Variants in SATB2 observed in about 807,000 individuals in gnomAD.
SATB2 encodes DNA-binding protein SATB2.
In SATB2, 1 loss-of-function variant was observed where a neutral mutation model predicts 73.4. The observed-to-expected ratio is 0.01, with a 90% CI of 0.00 to 0.06. The LOEUF (loss-of-function observed/expected upper bound fraction) is 0.06, where lower values mean the gene tolerates loss of function less well. Among genes scored for constraint, SATB2 ranks in the 10% least tolerant of loss-of-function variants. The pLI, the probability that SATB2 is intolerant of heterozygous loss-of-function variation, is 1.00. For synonymous variants in SATB2, 397 were observed against 367.0 expected (o/e 1.08, Z -0.93); for missense variants, 459 against 945.8 (o/e 0.49, Z 6.75).
chr2:199,386,120 C>G (rs763171777), intron 3 of SATB2, among the ~76,000 whole-genome samples: 2 of 152,070 alleles, frequency 1.3e-5, no homozygotes, highest in African/African-American at 2.4e-5. Context: ...ATTCCTTATC[C>G]AAAATCCTTG....
intron 3 of SATB2, among the ~76,000 whole-genome samples, chr2:199,392,333 G>A (rs551325448): frequency 2.2e-4 from 34 of 151,884 alleles, no homozygotes; most frequent in Non-Finnish European, 4.0e-4. Context: ...AAGTAGGAAA[G>A]TAGGGCTAAG....
At chr2:199,297,028 C>A (rs991350005) in intron 10 of SATB2, among the ~76,000 whole-genome samples, 1 of 152,210 alleles carries the variant, frequency 6.6e-6, no homozygotes, top group East Asian at 1.9e-4. Context: ...AAATCCCAGT[C>A]ATCTATTTTA....
rs1238973322 is a variant in SATB2 at position 199,455,957 on chromosome 2, G to A, written c.81C>T (p.Pro27=). The A allele has an allele frequency of 5.8e-6, 9 of 1,538,638 alleles. No individual in the cohort carries two copies. Among genetic ancestry groups the A allele is most frequent in the Non-Finnish European group, 7.8e-6 (9 of 1,147,560 alleles). Residue 27 remains proline, a synonymous_variant, in exon 2 of 11, where the codon CCC becomes CCT. Transcript: ENST00000417098. The surrounding 1 kb of genome is among the most constrained non-coding windows in gnomAD (Gnocchi z 4.1). ...GCTCCAGCCGGGCCACCTTCACTGG[G>A]GGAGGCCCCTTGACGTCCGGGCTGC... The part of the protein sequence containing the change: ...RSGSPDVKGP[P]PVKVARLEQN...
chr2:199,442,884 T>G (rs1347852959), intron 2 of SATB2, among the ~76,000 whole-genome samples: 1 of 152,234 alleles, frequency 6.6e-6, no homozygotes, highest in Admixed American at 6.5e-5. Flanking sequence ...TCAGGTTCTT[T>G]TTACGATAGG....
intron 6 of SATB2, among the ~76,000 whole-genome samples, chr2:199,357,802 C>T (rs548275503): frequency 6.6e-6 from 1 of 152,134 alleles, no homozygotes; most frequent in South Asian, 2.1e-4. Flanking sequence ...AGCATGGACT[C>T]CCACCTGACT....
chr2:199,346,200 A>C (rs1403931537), intron 7 of SATB2, among the ~76,000 whole-genome samples: 1 of 150,320 alleles, frequency 6.7e-6, no homozygotes, highest in African/African-American at 2.5e-5. Context: ...GCCAGGCTGG[A>C]GTGCAGTGGC....
At chr2:199,325,271 T>C (rs2105790842) in intron 8 of SATB2, 1 of 152,330 alleles carries the variant, frequency 6.6e-6, no homozygotes, top group Admixed American at 6.5e-5. Flanking sequence ...TTAATTCTTT[T>C]AAGATTCCAA....
chr2:199,311,451 T>C (rs978644654), intron 9 of SATB2, among the ~76,000 whole-genome samples: 2 of 152,142 alleles, frequency 1.3e-5, no homozygotes, highest in African/African-American at 4.8e-5. Flanking sequence ...GCCTCAGTAA[T>C]TAGCTTATGA....
At chr2:199,390,710 A>C (rs1236509839) in intron 3 of SATB2, among the ~76,000 whole-genome samples, 3 of 152,302 alleles carry the variant, frequency 2.0e-5, no homozygotes, top group Admixed American at 2.0e-4. Context: ...GTTGCCTCAC[A>C]TCTTTCACAT....
chr2:199,403,040 G>T (rs1233115443), intron 3 of SATB2, among the ~76,000 whole-genome samples: 2 of 152,150 alleles, frequency 1.3e-5, no homozygotes. Flanking sequence ...TGTCAGTGAA[G>T]ATCAATCATG....
intron 10 of SATB2, among the ~76,000 whole-genome samples, chr2:199,306,414 G>A (rs1687434098): frequency 6.6e-6 from 1 of 152,196 alleles, no homozygotes. Context: ...AAGGTCAACA[G>A]CTGAGGCAAA....
intron 5 of SATB2, among the ~76,000 whole-genome samples, chr2:199,378,169 T>C (rs1007277948): frequency 1.4e-4 from 21 of 152,222 alleles, no homozygotes; most frequent in Admixed American, 2.6e-4. Context: ...CTCACTCATG[T>C]TGCCTCTCTA....
chr2:199,331,819 C>A (rs1688199447), intron 7 of SATB2, among the ~76,000 whole-genome samples: 1 of 152,088 alleles, frequency 6.6e-6, no homozygotes, highest in South Asian at 2.1e-4. Context: ...CAAATCACCC[C>A]ACCTAATTAT....
At chr2:199,439,820 G>A (rs1691757865) in intron 2 of SATB2, among the ~76,000 whole-genome samples, 1 of 151,910 alleles carries the variant, frequency 6.6e-6, no homozygotes. Flanking sequence ...TAAAATAATA[G>A]AGGCTGGGCG....
intron 10 of SATB2, among the ~76,000 whole-genome samples, chr2:199,278,868 G>T (rs1429604759): frequency 2.0e-5 from 3 of 152,064 alleles, no homozygotes; most frequent in Non-Finnish European, 4.4e-5. Context: ...TAAAAGAAAT[G>T]ATATTAAAAA....
chr2:199,341,988 T>TC (rs1418520865), intron 7 of SATB2, among the ~76,000 whole-genome samples: 1 of 152,162 alleles, frequency 6.6e-6, no homozygotes, highest in African/African-American at 2.4e-5. Flanking sequence ...TTCAGAGCTG[T>TC]CGCTACTACA....
intron 3 of SATB2, among the ~76,000 whole-genome samples, chr2:199,417,467 G>T (rs139382370): frequency 2.6e-5 from 4 of 152,320 alleles, no homozygotes; most frequent in Non-Finnish European, 4.4e-5. Flanking sequence ...TTCAGAGGAG[G>T]AATGGAAGGG....
intron 10 of SATB2, among the ~76,000 whole-genome samples, chr2:199,291,778 T>C (rs1032172526): frequency 6.6e-6 from 1 of 151,810 alleles, no homozygotes; most frequent in Non-Finnish European, 1.5e-5. Flanking sequence ...CCAGGCATGG[T>C]GGCACACACC....
Position 199,323,944 on chromosome 2 carries a change from T to C in SATB2, c.1401A>G (p.Thr467=), listed in dbSNP as rs1443075394. ...CCTTAATAGGGAGGTCTGTTGTCGG[T>C]GTCGAGGTTTTGGCCTACCAAGAGA... ...SSRTPQAKTS[T]PTTDLPIKVD... The change falls in exon 9 of 11, where the codon ACA becomes ACG. Residue 467 remains threonine, a synonymous_variant. Transcript: ENST00000417098. The C allele has an allele frequency of 6.8e-6, 11 of 1,613,312 alleles. No individual in the cohort carries two copies. Among genetic ancestry groups the C allele is most frequent in the Non-Finnish European group, 9.3e-6 (11 of 1,179,518 alleles).
Sources: gnomAD v4.1 joint callset for allele counts (sites outside exome capture counted in the v4.1 genomes callset) on GRCh38, gnomAD v4.1.1 for gene constraint, Gnocchi (gnomAD v3.1) non-coding constraint, MANE v1.5 for transcripts, NCBI Gene and HGNC (gene_info 2026-07-23, HGNC 2026-07-21) for gene names.